The following BIRC5 variants were observed in gnomAD, a reference collection of about 807,000 sequenced individuals.
BIRC5 encodes the protein baculoviral IAP repeat containing 5, also known as baculoviral IAP repeat-containing protein 5.
Under a neutral mutation model 15.8 loss-of-function variants are expected in BIRC5, and 8 were observed. The observed-to-expected ratio is 0.51, with a 90% CI of 0.30 to 0.91. The LOEUF (loss-of-function observed/expected upper bound fraction) is 0.91, where lower values mean the gene tolerates loss of function less well. Among genes scored for constraint, BIRC5 ranks in the 40% least tolerant of loss-of-function variants. BIRC5 has a pLI of 0.07. For missense variants in BIRC5, 163 were observed against 178.6 expected, an observed-to-expected ratio of 0.91 and a Z score of 0.50; for synonymous variants, 56 against 64.5, an observed-to-expected ratio of 0.87 and a Z score of 0.63.
intron 3 of BIRC5, among the ~76,000 whole-genome samples, chr17:78,221,424 A>T (rs534553690): frequency 1.5e-4 from 22 of 147,110 alleles, no homozygotes; most frequent in African/African-American, 5.0e-4. Flanking sequence ...CTAATTTTAA[A>T]TTTTTTTTTT....
chr17:78,215,061 G>C, intron 2 of BIRC5: 1 of 357,900 alleles, frequency 2.8e-6, no homozygotes, highest in South Asian at 3.0e-5. Flanking sequence ...CTGTTGTTGT[G>C]AACTCCCAGG....
In BIRC5 at chr17:78,223,574, C is replaced by T; in HGVS notation, c.*20C>T. On this transcript the variant is annotated 3_prime_UTR_variant, in exon 4 of 4. Transcript: ENST00000350051. The stretch of plus-strand genomic sequence containing the variant: ...GATTGAGGCCTCTGGCCGGAGCTGC[C>T]TGGTCCCAGAGTGGCTGCACCACTT... The T allele has an allele frequency of 1.2e-6, 2 of 1,613,798 alleles. No individual in the cohort carries two copies. Among genetic ancestry groups the T allele is most frequent in the East Asian group, 2.2e-5 (1 of 44,882 alleles).
At position 78,216,826 on chromosome 17, in the gene BIRC5, T is replaced by C. The variant is rs770449000; in HGVS notation, c.339+45T>C. The C allele has an allele frequency of 6.1e-6, 9 of 1,480,480 alleles. No individual in the cohort carries two copies. The Admixed American group carries it at 8.4e-5, about 14-fold the overall frequency. 91.7% of individuals were successfully genotyped at this position (1,480,480 alleles called of 1,614,324 possible). On this transcript the variant is annotated intron_variant, in intron 3 of 3. Coordinates refer to ENST00000350051, the MANE Select transcript of BIRC5 (RefSeq NM_001168.3). ...ACTGCTCAAACCCTGTTCAATGTCT[T>C]TAGCACTAAACTACCTAGTCCCTCA...
At chr17:78,217,899 C>T (rs2076490755) in intron 3 of BIRC5, among the ~76,000 whole-genome samples, 1 of 152,026 alleles carries the variant, frequency 6.6e-6, no homozygotes, top group Admixed American at 6.6e-5. Flanking sequence ...TCAAGTGATC[C>T]TCCCACCTCA....
At chr17:78,217,333 A>AC (rs2076486178) in intron 3 of BIRC5, among the ~76,000 whole-genome samples, 1 of 150,414 alleles carries the variant, frequency 6.6e-6, no homozygotes, top group Non-Finnish European at 1.5e-5. Flanking sequence ...GTGCCACCAC[A>AC]CCCAGGTAAT....
Position 78,223,782 on chromosome 17 carries a change from C to G in BIRC5, c.*228C>G. On this transcript the variant is annotated 3_prime_UTR_variant, in exon 4 of 4. Transcript: ENST00000350051. Reference sequence around the variant, plus strand: ...CTGGTAACAGTGGCTGCTTCTCTCTCTCTCTCTCTTTTTTGGGGGCTCATT... The same window carrying G: ...CTGGTAACAGTGGCTGCTTCTCTCTGTCTCTCTCTTTTTTGGGGGCTCATT... 1.1e-6 allele frequency: 1 copy of G among 934,240 alleles called. No individual in the cohort carries two copies. Among genetic ancestry groups the G allele is most frequent in the Non-Finnish European group, 1.5e-6 (1 of 675,244 alleles). 57.9% of individuals were successfully genotyped at this position (934,240 alleles called of 1,614,324 possible).
At chr17:78,215,084 C>G in intron 2 of BIRC5, 1 of 298,646 alleles carries the variant, frequency 3.3e-6, no homozygotes, top group Non-Finnish European at 6.5e-6. Flanking sequence ...CGTCCAAGTG[C>G]TTTTTTTGAG....
Position 78,224,826 on chromosome 17 carries a change from C to G in BIRC5, c.*1272C>G, listed in dbSNP as rs149352631. ...AGCGTCCTGGCAGAGACGCAGTTGT[C>G]TCTGGGCGCTTGCCAGAGCCACGAA... On this transcript the variant is annotated 3_prime_UTR_variant, in exon 4 of 4. Transcript: ENST00000350051. 7.2e-5 allele frequency: 11 copies of G among 152,330 alleles called. No individual in the cohort carries two copies. In the East Asian group the frequency reaches 2.1e-3, roughly 29 times the overall value. 9.4% of individuals were successfully genotyped at this position (152,330 alleles called of 1,614,324 possible).
At chr17:78,221,598 G>A (rs4789556) in intron 3 of BIRC5, among the ~76,000 whole-genome samples, 57,353 of 151,620 alleles carry the variant, frequency 0.38, 10,821 homozygotes, top group Middle Eastern at 0.48. Flanking sequence ...CAAACCCAAA[G>A]TGCTGGGATT....
intron 2 of BIRC5, 91 bp from the exon 3 acceptor site, chr17:78,216,573 C>A: frequency 9.7e-7 from 1 of 1,035,214 alleles, no homozygotes; most frequent in Non-Finnish European, 1.5e-6. Context: ...CAGGGTGTGC[C>A]TGTGGAGGGC....
chr17:78,217,658 G>A (rs1054782685), intron 3 of BIRC5, among the ~76,000 whole-genome samples: 15 of 151,200 alleles, frequency 9.9e-5, no homozygotes, highest in Non-Finnish European at 1.8e-4. Context: ...CACCACACCC[G>A]GCTAATTTTT....
At chr17:78,218,742 A>G (rs1384400501) in intron 3 of BIRC5, among the ~76,000 whole-genome samples, 1 of 151,668 alleles carries the variant, frequency 6.6e-6, no homozygotes, top group Non-Finnish European at 1.5e-5. Flanking sequence ...AGCTGGGACT[A>G]CAGGTGCCCA....
chr17:78,215,056 G>A (rs1305026777), intron 2 of BIRC5: 2 of 380,680 alleles, frequency 5.3e-6, no homozygotes, highest in Non-Finnish European at 9.9e-6. Flanking sequence ...AGACCCTGTT[G>A]TTGTGAACTC....
chr17:78,223,305 AT>A (rs1422826112), intron 3 of BIRC5, among the ~76,000 whole-genome samples, 159 bp from the exon 4 acceptor site: 1 of 152,170 alleles, frequency 6.6e-6, no homozygotes, highest in Admixed American at 6.5e-5. Context: ...CTGAATCAGG[AT>A]GTTTGTCCCA....
At chr17:78,222,047 A>C (rs957598296) in intron 3 of BIRC5, among the ~76,000 whole-genome samples, 1 of 151,888 alleles carries the variant, frequency 6.6e-6, no homozygotes, top group Non-Finnish European at 1.5e-5. Flanking sequence ...AAAATACACA[A>C]AAAATTAGCC....
chr17:78,217,900 T>G (rs1354482093), intron 3 of BIRC5, among the ~76,000 whole-genome samples: 2 of 152,096 alleles, frequency 1.3e-5, no homozygotes, highest in East Asian at 3.9e-4. Context: ...CAAGTGATCC[T>G]CCCACCTCAT....
intron 3 of BIRC5, among the ~76,000 whole-genome samples, chr17:78,218,322 C>G (rs1244253211): frequency 6.7e-6 from 1 of 149,874 alleles, no homozygotes; most frequent in Non-Finnish European, 1.5e-5. Flanking sequence ...TGAGACGAGT[C>G]TCACTTTGTC....
intron 3 of BIRC5, among the ~76,000 whole-genome samples, chr17:78,222,363 T>C (rs911338681): frequency 1.3e-4 from 20 of 151,856 alleles, no homozygotes; most frequent in Admixed American, 5.2e-4. Flanking sequence ...ATATATAAAG[T>C]ACATATTGAA....
chr17:78,216,439 C>T (rs1340281180), intron 2 of BIRC5: 2 of 462,110 alleles, frequency 4.3e-6, no homozygotes, highest in East Asian at 3.7e-5. Context: ...ATTAGCCACA[C>T]AGATGTGGGG....
Sources: gnomAD v4.1 joint callset for allele counts (sites outside exome capture counted in the v4.1 genomes callset) on GRCh38, gnomAD v4.1.1 for gene constraint, MANE v1.5 for transcripts, NCBI Gene and HGNC (gene_info 2026-07-23, HGNC 2026-07-21) for gene names.